The following CNTNAP2 variants were observed in gnomAD, a reference collection of about 807,000 sequenced individuals.
CNTNAP2 encodes contactin-associated protein-like 2.
CNTNAP2 carries 98 observed loss-of-function variants against 155.2 expected under a neutral mutation model. That is an observed-to-expected ratio of 0.63 (90% CI 0.54 to 0.75). The LOEUF (loss-of-function observed/expected upper bound fraction) is 0.75, where lower values mean the gene tolerates loss of function less well. CNTNAP2 is among the 30% of genes least tolerant of loss of function. CNTNAP2 has a pLI of 0.00. For missense variants in CNTNAP2, 1,727 were observed against 1,688.1 expected (o/e 1.02, Z -0.40); for synonymous variants, 651 against 631.2 (o/e 1.03, Z -0.47).
At position 147,132,448 on chromosome 7, in the gene CNTNAP2, C is replaced by G. The variant is rs373565604; in HGVS notation, c.1287C>G (p.Ser429Arg). 5.6e-6 allele frequency: 9 copies of G among 1,613,628 alleles called. No homozygotes were observed. Among genetic ancestry groups the G allele is most frequent in the Non-Finnish European group, 7.6e-6 (9 of 1,179,752 alleles). Reference protein sequence around the residue: ...LGNVEIDLTESKVGVHINITQ... With the variant: ...LGNVEIDLTERKVGVHINITQ... ...ATGTGGAGATTGACCTCACTGAAAG[C>G]AAAGTGGGTGTTCACATCAACATCA... is the stretch of plus-strand genomic sequence containing the variant. Residue 429 changes from serine (S) to arginine (R), a missense_variant, in exon 8 of 24, where the codon AGC becomes AGG. Physicochemically the swap from Ser to Arg is moderately radical, Grantham distance 110. Transcript: ENST00000361727.
intron 13 of CNTNAP2, among the ~76,000 whole-genome samples, chr7:147,727,232 G>A (rs1796660185): frequency 6.6e-6 from 1 of 151,930 alleles, no homozygotes; most frequent in Admixed American, 6.6e-5. Context: ...CCAATGTCCA[G>A]TACACTGGGC....
chr7:146,954,812 T>A (rs1280297617), intron 3 of CNTNAP2, among the ~76,000 whole-genome samples: 1 of 151,994 alleles, frequency 6.6e-6, no homozygotes, highest in Non-Finnish European at 1.5e-5. Context: ...TAGTATATGA[T>A]GTGAAATCCA....
chr7:148,326,773 G>T (rs992608671), intron 21 of CNTNAP2, among the ~76,000 whole-genome samples: 4 of 151,702 alleles, frequency 2.6e-5, no homozygotes, highest in African/African-American at 9.7e-5. Context: ...GCTGAGGCAG[G>T]AGAATGGCGT....
chr7:147,663,164 A>T (rs1003356359), intron 13 of CNTNAP2, among the ~76,000 whole-genome samples: 1 of 104,044 alleles, frequency 9.6e-6, no homozygotes, highest in South Asian at 4.0e-4. Context: ...ACGCCCGGCT[A>T]ATTTTTGTAA....
At chr7:148,399,443 T>C (rs1462289537) in intron 22 of CNTNAP2, among the ~76,000 whole-genome samples, 1 of 152,190 alleles carries the variant, frequency 6.6e-6, no homozygotes, top group African/African-American at 2.4e-5. Flanking sequence ...AATGCATCTG[T>C]TCTCTCTCAT....
intron 18 of CNTNAP2, among the ~76,000 whole-genome samples, chr7:148,208,586 T>A (rs1158333260): frequency 5.9e-5 from 9 of 152,164 alleles, no homozygotes; most frequent in African/African-American, 2.2e-4. Flanking sequence ...CTCCAAGAGT[T>A]GAGTAAATCA....
chr7:146,719,825 CAG>C (rs1348938963), intron 1 of CNTNAP2, among the ~76,000 whole-genome samples: 2 of 151,628 alleles, frequency 1.3e-5, no homozygotes, highest in Non-Finnish European at 2.9e-5. Flanking sequence ...AATTATGAAA[CAG>C]AGATAGGAAA....
chr7:148,354,634 G>A (rs989909580), intron 21 of CNTNAP2, among the ~76,000 whole-genome samples: 38 of 151,502 alleles, frequency 2.5e-4, no homozygotes, highest in African/African-American at 9.2e-4. Context: ...CTTCCTCTCT[G>A]TTTCTTAAGA....
At chr7:147,921,180 A>G (rs1800273261) in intron 14 of CNTNAP2, among the ~76,000 whole-genome samples, 1 of 151,952 alleles carries the variant, frequency 6.6e-6, no homozygotes, top group African/African-American at 2.4e-5. Context: ...TTTTATTTTC[A>G]TAATAATGAA....
rs867469073 is a variant in CNTNAP2 at position 147,851,004 on chromosome 7, A to C, written c.2099-52561A>C. Among the ~76,000 whole-genome samples the C allele has an allele frequency of 2.0e-5, 3 of 152,340 alleles. No homozygotes were observed. In the South Asian group the frequency reaches 6.2e-4, roughly 32 times the overall value. ...ACAGGCAACCTACAGAATGGGAAAA[A>C]ATTTTTGCAATCTACCCATCTGACA... On this transcript the variant is annotated intron_variant, in intron 13 of 23. Coordinates refer to ENST00000361727, the MANE Select transcript of CNTNAP2 (RefSeq NM_014141.6).
chr7:147,652,393 G>T (rs1795462420), intron 13 of CNTNAP2, among the ~76,000 whole-genome samples: 1 of 151,908 alleles, frequency 6.6e-6, no homozygotes, highest in Non-Finnish European at 1.5e-5. Context: ...AAAATATATT[G>T]TCATCTATAT....
intron 13 of CNTNAP2, among the ~76,000 whole-genome samples, chr7:147,815,668 A>G (rs1437715001): frequency 6.6e-6 from 1 of 152,214 alleles, no homozygotes; most frequent in East Asian, 1.9e-4. Context: ...TTTTGCCACC[A>G]TGGAATACAA....
intron 10 of CNTNAP2, among the ~76,000 whole-genome samples, chr7:147,397,239 C>T (rs700310): frequency 0.13 from 19,688 of 151,924 alleles, 1,540 homozygotes; most frequent in East Asian, 0.32. Context: ...TGGAAATATA[C>T]TCCTAATTAT....
At chr7:147,210,504 G>T (rs1803124907) in intron 8 of CNTNAP2, among the ~76,000 whole-genome samples, 1 of 151,768 alleles carries the variant, frequency 6.6e-6, no homozygotes, top group Non-Finnish European at 1.5e-5. Context: ...TGTTAATCTA[G>T]TTATTGGTCT....
At chr7:146,542,966 TAAGAAG>T (rs1387514789) in intron 1 of CNTNAP2, among the ~76,000 whole-genome samples, 1 of 151,794 alleles carries the variant, frequency 6.6e-6, no homozygotes, top group Non-Finnish European at 1.5e-5. Context: ...TTCAGTCAAA[TAAGAAG>T]AATAAATTCA....
chr7:147,174,884 CATAG>C (rs1336095064), intron 8 of CNTNAP2, among the ~76,000 whole-genome samples: 3 of 152,012 alleles, frequency 2.0e-5, no homozygotes, highest in East Asian at 3.8e-4. Flanking sequence ...ATAATTTTTT[CATAG>C]ATAGATCGCA....
At chr7:147,824,942 G>A (rs1007460472) in intron 13 of CNTNAP2, among the ~76,000 whole-genome samples, 2 of 151,978 alleles carry the variant, frequency 1.3e-5, no homozygotes, top group Admixed American at 6.6e-5. Context: ...TGCTTAACGT[G>A]GATTGAGGAA....
At chr7:146,574,632 C>T (rs1584988620) in intron 1 of CNTNAP2, among the ~76,000 whole-genome samples, 1 of 152,052 alleles carries the variant, frequency 6.6e-6, no homozygotes, top group Non-Finnish European at 1.5e-5. Flanking sequence ...ACCTGGGAGG[C>T]GGAGGTTGCT....
At chr7:146,262,204 C>T (rs1233372187) in intron 1 of CNTNAP2, among the ~76,000 whole-genome samples, 1 of 152,160 alleles carries the variant, frequency 6.6e-6, no homozygotes, top group Non-Finnish European at 1.5e-5. Flanking sequence ...TAGCTATTAG[C>T]ACAGCTAATA....
Sources: allele counts gnomAD v4.1 joint callset (sites outside exome capture counted in the v4.1 genomes callset), GRCh38; gene constraint gnomAD v4.1.1; transcripts MANE v1.5; gene names NCBI Gene and HGNC (gene_info 2026-07-23, HGNC 2026-07-21).